SERPINA12: variants seen among roughly 807,000 people sequenced by gnomAD.
The protein encoded by SERPINA12 is serpin family A member 12, also known as serpin A12.
A neutral mutation model predicts 25.9 loss-of-function variants in SERPINA12; 21 were observed. The ratio of observed to expected loss-of-function variants is 0.81; its 90% CI spans 0.58 to 1.17. The LOEUF is 1.17. SERPINA12 is among the 50% of genes most tolerant of loss of function. SERPINA12 has a pLI of 0.00. For missense variants in SERPINA12, 562 were observed against 508.3 expected, an observed-to-expected ratio of 1.11 and a Z score of -1.02; for synonymous variants, 220 against 196.0, an observed-to-expected ratio of 1.12 and a Z score of -1.02.
In SERPINA12 at chr14:94,516,533, G is replaced by T. The variant is rs1901239098; in HGVS notation, c.-352-379C>A. Among the ~76,000 whole-genome samples the T allele has an allele frequency of 2.0e-5, 3 of 152,134 alleles. No individual in the cohort carries two copies. The South Asian group carries it at 6.2e-4, about 31-fold the overall frequency. ...CCAGGTGCACCAGCAGGTGAAGGGGGGCAGCGCCTAGCACCCCACACCAAC... is the reference window on the plus strand; with the variant it reads ...CCAGGTGCACCAGCAGGTGAAGGGGTGCAGCGCCTAGCACCCCACACCAAC... On this transcript the variant is annotated intron_variant, in intron 1 of 5. Coordinates refer to the SERPINA12 transcript ENST00000341228.
At chr14:94,507,056 C>G (rs776876841) in intron 1 of SERPINA12, among the ~76,000 whole-genome samples, 1 of 152,158 alleles carries the variant, frequency 6.6e-6, no homozygotes, top group Non-Finnish European at 1.5e-5. Context: ...AAGGATGATC[C>G]TTTCAATGAA....
Position 94,487,420 on chromosome 14 carries a change from CAG to C in SERPINA12, c.1126_1127del (p.Leu376AlafsTer34). The C allele has an allele frequency of 6.2e-7, 1 of 1,614,144 alleles. No individual in the cohort carries two copies. Among genetic ancestry groups the C allele is most frequent in the Non-Finnish European group, 8.5e-7 (1 of 1,180,026 alleles). On this transcript the variant is annotated frameshift_variant, in exon 5 of 5. Coordinates refer to ENST00000677451, the MANE Select transcript of SERPINA12 (RefSeq NM_001382267.1). LOFTEE classifies it low-confidence loss of function (END_TRUNC). ...EGAAGTGAQT[L>X]PMETPLVVKI... is the part of the protein sequence containing the mutation. Reference sequence around the variant, plus strand: ...TGACGACGAGTGGTGTCTCCATGGGCAGAGTCTGTGCTCCGGTGCCAGCGGCC... The same window carrying C: ...TGACGACGAGTGGTGTCTCCATGGGCAGTCTGTGCTCCGGTGCCAGCGGCC...
chr14:94,487,556 A>G, intron 4 of SERPINA12, 62 bp from the exon 5 acceptor site: 1 of 1,412,916 alleles, frequency 7.1e-7, no homozygotes, highest in South Asian at 1.3e-5. Flanking sequence ...AGTGGGCCGG[A>G]GGCCCAGAGA....
chr14:94,507,446 A>G (rs1900970556), intron 1 of SERPINA12, among the ~76,000 whole-genome samples: 2 of 152,252 alleles, frequency 1.3e-5, no homozygotes, highest in South Asian at 2.1e-4. Context: ...TGGTACGTGT[A>G]ATGTCTGTGT....
chr14:94,513,044 G>T (rs527976831), upstream of SERPINA12, among the ~76,000 whole-genome samples: 21 of 152,322 alleles, frequency 1.4e-4, no homozygotes, highest in African/African-American at 4.3e-4. Flanking sequence ...GAGTGATACC[G>T]AGGGTAGCTC....
chr14:94,487,397 A>G lies in SERPINA12; in HGVS notation c.1151T>C (p.Val384Ala). ...QTLPMETPLV[V>A]KIDKPYLLLI... ...CAGCAGATAGGGTTTGTCTATCTTGACGACGAGTGGTGTCTCCATGGGCAG... is the reference window on the plus strand; with the variant it reads ...CAGCAGATAGGGTTTGTCTATCTTGGCGACGAGTGGTGTCTCCATGGGCAG... The change falls in exon 5 of 5, where the codon GTC becomes GCC. Residue 384 changes from valine to alanine, a missense_variant. Coordinates refer to ENST00000677451, the MANE Select transcript of SERPINA12 (RefSeq NM_001382267.1). 3 of 1,614,096 alleles carry G rather than the reference A, an allele frequency of 1.9e-6. No individual in the cohort carries two copies. The highest frequency in any genetic ancestry group is 2.2e-5 in the South Asian group (2 of 91,080).
rs139081781 is a variant in SERPINA12 at position 94,496,482 on chromosome 14, T to C, written c.796A>G (p.Lys266Glu). 3.1e-6 allele frequency: 5 copies of C among 1,614,050 alleles called. No homozygotes were observed. The African/African-American group carries it at 5.3e-5, about 17-fold the overall frequency. Reference sequence around the variant, plus strand: ...AGGATGAAGATGGCTGTGATATTTTTCTGGTAGGGTATTTCCAGGATGGTG... The same window carrying C: ...AGGATGAAGATGGCTGTGATATTTTCCTGGTAGGGTATTTCCAGGATGGTG... ...SCTILEIPYQ[K>E]NITAIFILPD... The change falls in exon 3 of 5, where the codon AAA becomes GAA. Residue 266 changes from lysine to glutamate, a missense_variant. Lys to Glu is a moderately conservative substitution (Grantham distance 56). Transcript: ENST00000677451.
chr14:94,496,028 G>A (rs1226083258), intron 3 of SERPINA12, among the ~76,000 whole-genome samples: 5 of 152,108 alleles, frequency 3.3e-5, no homozygotes, highest in Admixed American at 2.0e-4. Context: ...TTTACAGCCC[G>A]TGTTTGTCCT....
At chr14:94,487,973 G>A (rs376146987) in intron 4 of SERPINA12, among the ~76,000 whole-genome samples, 7 of 152,266 alleles carry the variant, frequency 4.6e-5, no homozygotes, top group South Asian at 2.1e-4. Context: ...AGGCATCAAC[G>A]TCTGTAAACA....
rs3748311 is a variant in SERPINA12, at chr14:94,496,641, T to G, written c.637A>C (p.Arg213=). 355 of 1,613,428 alleles carry G rather than the reference T, an allele frequency of 2.2e-4. 1 individual carries two copies. In the East Asian group the frequency reaches 5.1e-3, roughly 23 times the overall value. The stretch of plus-strand genomic sequence containing the variant: ...TTTGGATCAAACTCATGTTTCCACC[T>G]GGCTTAGATTGAAGAAAGACAAACA... The part of the protein sequence containing the change: ...LLANYIFFRA[R]WKHEFDPNVT... Residue 213 remains arginine, a splice_region_variant and synonymous_variant, in exon 3 of 5, where the codon AGG becomes CGG. Coordinates refer to ENST00000677451, the MANE Select transcript of SERPINA12 (RefSeq NM_001382267.1).
chr14:94,508,846 G>A (rs533539193), intron 1 of SERPINA12, among the ~76,000 whole-genome samples: 2 of 152,302 alleles, frequency 1.3e-5, no homozygotes, highest in Admixed American at 6.5e-5. Context: ...GTGGGGGCCA[G>A]CTTTGATTTT....
At chr14:94,499,270 G>A (rs949972804) in intron 1 of SERPINA12, among the ~76,000 whole-genome samples, 1 of 152,198 alleles carries the variant, frequency 6.6e-6, no homozygotes, top group Non-Finnish European at 1.5e-5. Flanking sequence ...GGAAGAGGAT[G>A]GCACCATGGG....
intron 3 of SERPINA12, among the ~76,000 whole-genome samples, chr14:94,490,628 G>A (rs1429218840): frequency 6.6e-6 from 1 of 151,972 alleles, no homozygotes; most frequent in Non-Finnish European, 1.5e-5. Flanking sequence ...TCTTGGCCCT[G>A]AATAGCCTCT....
chr14:94,511,497 C>T (rs1901109109), upstream of SERPINA12: 10 of 985,310 alleles, frequency 1.0e-5, 1 homozygote, highest in African/African-American at 1.0e-4. Flanking sequence ...CTGCATGCCT[C>T]ACATAAGGCT....
Position 94,487,293 on chromosome 14 carries a change from G to A in SERPINA12, c.*10C>T. Reference sequence around the variant, plus strand: ...CATGTTCGGGGTCTGTGGCAAGCAGGAATTCTCCTTTATTTTCCAATAGGG... The same window carrying A: ...CATGTTCGGGGTCTGTGGCAAGCAGAAATTCTCCTTTATTTTCCAATAGGG... On this transcript the variant is annotated 3_prime_UTR_variant, in exon 5 of 5. Transcript: ENST00000677451. The A allele has an allele frequency of 1.2e-6, 2 of 1,608,758 alleles. No homozygotes were observed. Among genetic ancestry groups the A allele is most frequent in the Non-Finnish European group, 1.7e-6 (2 of 1,176,322 alleles).
intron 1 of SERPINA12, 131 bp from the exon 2 acceptor site, chr14:94,498,561 T>G (rs2139854028): frequency 1.4e-6 from 1 of 689,756 alleles, no homozygotes; most frequent in Non-Finnish European, 2.4e-6. Flanking sequence ...CTTTGACCCC[T>G]TTATAGCATT....
At chr14:94,496,665 C>T (rs753304473) in intron 2 of SERPINA12, 22 bp from the exon 3 acceptor site, 2 of 1,609,760 alleles carry the variant, frequency 1.2e-6, no homozygotes, top group South Asian at 2.2e-5. Context: ...GAAAGACAAA[C>T]AGACATGTTA....
intron 3 of SERPINA12, among the ~76,000 whole-genome samples, chr14:94,491,646 A>G (rs1207812399): frequency 6.6e-6 from 1 of 152,222 alleles, no homozygotes; most frequent in African/African-American, 2.4e-5. Context: ...GAGTTTCCTG[A>G]CAGACTGAAT....
chr14:94,500,833 T>C (rs8015166), intron 1 of SERPINA12: 141,288 of 984,194 alleles, frequency 0.14, 11,138 homozygotes, highest in African/African-American at 0.31. Flanking sequence ...AGTTACATGG[T>C]CACTTCCTTG....
Sources: allele counts gnomAD v4.1 joint callset (sites outside exome capture counted in the v4.1 genomes callset), GRCh38; gene constraint gnomAD v4.1.1; transcripts MANE v1.5; gene names NCBI Gene and HGNC (gene_info 2026-07-23, HGNC 2026-07-21).